The following DYRK1A variants were observed in gnomAD, a reference collection of about 807,000 sequenced individuals.
The protein encoded by DYRK1A is dual specificity tyrosine phosphorylation regulated kinase 1A, also known as dual specificity tyrosine-phosphorylation-regulated kinase 1A.
A neutral mutation model predicts 79.7 loss-of-function variants in DYRK1A; 9 were observed. The ratio of observed to expected loss-of-function variants is 0.11; its 90% confidence interval spans 0.07 to 0.20. DYRK1A has a LOEUF of 0.20. Ranked by LOEUF, DYRK1A falls within the 10% of genes least tolerant of loss-of-function variation. The pLI is 1.00. For synonymous variants in DYRK1A, 349 were observed against 329.7 expected, an observed-to-expected ratio of 1.06 and a Z score of -0.63; for missense variants, 622 against 956.0, an observed-to-expected ratio of 0.65 and a Z score of 4.61.
In DYRK1A at chr21:37,520,848, T is replaced by C. The variant is rs2053929935; in HGVS notation, c.*8317T>C. 2 of 152,236 alleles carry C rather than the reference T, an allele frequency of 1.3e-5. No individual in the cohort carries two copies. 9.4% of individuals were successfully genotyped at this position (152,236 alleles called of 1,614,324 possible). On this transcript the variant is annotated 3_prime_UTR_variant, in exon 12 of 12. Coordinates refer to ENST00000647188, the MANE Select transcript of DYRK1A (RefSeq NM_001347721.2). Reference sequence around the variant, plus strand: ...CACCGCTGGGTGAGATCTACAGGGCTCAGTGCGCTTGGAGTCCTGGATTCC... The same window carrying C: ...CACCGCTGGGTGAGATCTACAGGGCCCAGTGCGCTTGGAGTCCTGGATTCC...
At chr21:37,367,696 G>C (rs1160991847) in intron 1 of DYRK1A, 68 bp downstream of exon 1, 1 of 146,754 alleles carries the variant, frequency 6.8e-6, no homozygotes, top group Non-Finnish European at 1.5e-5. Flanking sequence ...CCCGCAGCCG[G>C]GCCGGAGCCG....
chr21:37,494,171 C>T (rs1211124523), intron 8 of DYRK1A, among the ~76,000 whole-genome samples: 7 of 151,828 alleles, frequency 4.6e-5, no homozygotes, highest in African/African-American at 9.6e-5. Context: ...AGATTACAGG[C>T]GTGAGCCACT....
chr21:37,473,051 T>G (rs1329949392), intron 3 of DYRK1A, among the ~76,000 whole-genome samples, 171 bp downstream of exon 3: 1 of 152,154 alleles, frequency 6.6e-6, no homozygotes, highest in Admixed American at 6.5e-5. Context: ...TTTTTTTTAA[T>G]TTTTACTTGT....
At chr21:37,489,775 G>A (rs2148610904) in intron 6 of DYRK1A, among the ~76,000 whole-genome samples, 1 of 152,258 alleles carries the variant, frequency 6.6e-6, no homozygotes, top group South Asian at 2.1e-4. Flanking sequence ...CCCAGTAGGT[G>A]GAGCTTAGAC....
chr21:37,440,535 C>A (rs1352494937), intron 2 of DYRK1A, among the ~76,000 whole-genome samples: 1 of 152,064 alleles, frequency 6.6e-6, no homozygotes, highest in East Asian at 1.9e-4. Flanking sequence ...CTATAATATT[C>A]TCCGTAACTA....
At chr21:37,505,913 C>CGA (rs1179907286) in intron 10 of DYRK1A, among the ~76,000 whole-genome samples, 186 bp from the exon 11 acceptor site, 1 of 152,114 alleles carries the variant, frequency 6.6e-6, no homozygotes, top group Non-Finnish European at 1.5e-5. Flanking sequence ...AAGTGGTGGA[C>CGA]GAGAGAGAAC....
chr21:37,394,877 A>G (rs983875702), intron 1 of DYRK1A, among the ~76,000 whole-genome samples: 1 of 152,224 alleles, frequency 6.6e-6, no homozygotes, highest in Non-Finnish European at 1.5e-5. Context: ...GAAATCCTGA[A>G]TATGTACTTC....
intron 2 of DYRK1A, among the ~76,000 whole-genome samples, chr21:37,434,686 T>C (rs140767350): frequency 4.6e-5 from 7 of 152,352 alleles, no homozygotes; most frequent in Non-Finnish European, 8.8e-5. Flanking sequence ...GGTTAATACT[T>C]AATTGGGTTT....
intron 11 of DYRK1A, among the ~76,000 whole-genome samples, chr21:37,508,688 C>T (rs557058373): frequency 2.9e-4 from 44 of 152,286 alleles, no homozygotes; most frequent in African/African-American, 9.9e-4. Context: ...TGGTCCCCAC[C>T]GAGGCCATTC....
chr21:37,431,210 C>T (rs1355311677), intron 2 of DYRK1A, among the ~76,000 whole-genome samples: 9 of 152,202 alleles, frequency 5.9e-5, no homozygotes, highest in African/African-American at 1.2e-4. Flanking sequence ...AAGCACCCTC[C>T]TTCCCAGCTT....
Position 37,517,303 on chromosome 21 carries a change from A to G in DYRK1A, c.*4772A>G, listed in dbSNP as rs1366056311. On this transcript the variant is annotated 3_prime_UTR_variant, in exon 12 of 12. Coordinates refer to ENST00000647188, the MANE Select transcript of DYRK1A (RefSeq NM_001347721.2). ...ACAAGTGGAGCCCAGCTCTGTTCGC[A>G]TGGGAGGCCGGGCGATGCTGGCATG... The G allele has an allele frequency of 1.3e-5, 2 of 152,308 alleles. No homozygotes were observed. The allele number at this position is 152,308 out of a possible 1,614,324, so 9.4% of individuals were successfully genotyped here. A position where few individuals can be genotyped will look rare whatever the true frequency, so the allele number is the denominator to read the frequency against.
At chr21:37,491,376 G>A (rs1370927535) in intron 7 of DYRK1A, among the ~76,000 whole-genome samples, 1 of 152,030 alleles carries the variant, frequency 6.6e-6, no homozygotes, top group Non-Finnish European at 1.5e-5. Flanking sequence ...TTTGCTTTAA[G>A]TATTGAAACT....
intron 3 of DYRK1A, among the ~76,000 whole-genome samples, chr21:37,477,098 C>CT (rs1278543551): frequency 2.6e-5 from 4 of 152,138 alleles, no homozygotes; most frequent in Non-Finnish European, 4.4e-5. Context: ...CCCCTCTTCT[C>CT]TTTTTTGGTG....
chr21:37,373,152 G>T (rs991729345), intron 1 of DYRK1A, among the ~76,000 whole-genome samples: 2 of 150,994 alleles, frequency 1.3e-5, no homozygotes, highest in Admixed American at 1.3e-4. Context: ...GTCATCTTGG[G>T]CAAAACAGCT....
rs1601347701 is a variant in DYRK1A, at chr21:37,518,383, G to A, written c.*5852G>A. 1 of 152,116 alleles carries A rather than the reference G, an allele frequency of 6.6e-6. No individual in the cohort carries two copies. Among genetic ancestry groups the A allele is most frequent in the South Asian group, 2.1e-4 (1 of 4,822 alleles). The allele number at this position is 152,116 out of a possible 1,614,324, so 9.4% of individuals were successfully genotyped here. ...TCTAGTGATCGCAAACTGCTCAATC[G>A]GTACTCATCAATTTAAAATGACTGT... On this transcript the variant is annotated 3_prime_UTR_variant, in exon 12 of 12. Transcript: ENST00000647188.
At chr21:37,411,718 T>C (rs2050248626) in intron 1 of DYRK1A, among the ~76,000 whole-genome samples, 1 of 152,224 alleles carries the variant, frequency 6.6e-6, no homozygotes, top group African/African-American at 2.4e-5. Context: ...TTTAATTTCA[T>C]CACAAAATAC....
rs1374582440 is a variant in DYRK1A at position 37,519,655 on chromosome 21, G to GTTAACA, written c.*7127_*7132dup. The GTTAACA allele has an allele frequency of 6.6e-6, 1 of 150,930 alleles. No homozygotes were observed. The highest frequency in any genetic ancestry group is 1.5e-5 in the Non-Finnish European group (1 of 67,878). The allele number at this position is 150,930 out of a possible 1,614,324, so 9.3% of individuals were successfully genotyped here. Reference sequence around the variant, plus strand: ...TTATTTTTGGAGTCTGGGACTAGGTGTTAACATTCCTTTACTAGTTGGTTT... The same window carrying GTTAACA: ...TTATTTTTGGAGTCTGGGACTAGGTGTTAACATTAACATTCCTTTACTAGTTGGTTT... On this transcript the variant is annotated 3_prime_UTR_variant, in exon 12 of 12. Transcript: ENST00000647188.
intron 2 of DYRK1A, among the ~76,000 whole-genome samples, chr21:37,451,478 C>T (rs892427830): frequency 2.0e-5 from 3 of 151,648 alleles, no homozygotes; most frequent in Admixed American, 6.6e-5. Context: ...CTTTTCCATG[C>T]CTATAGCACA....
intron 3 of DYRK1A, among the ~76,000 whole-genome samples, chr21:37,474,213 TC>T (rs1207875605): frequency 1.3e-5 from 2 of 152,190 alleles, no homozygotes; most frequent in Non-Finnish European, 2.9e-5. Context: ...TAGGAAAACT[TC>T]CAGTCCTTTA....
Sources: allele counts gnomAD v4.1 joint callset (sites outside exome capture counted in the v4.1 genomes callset), GRCh38; gene constraint gnomAD v4.1.1; transcripts MANE v1.5; gene names NCBI Gene and HGNC (gene_info 2026-07-23, HGNC 2026-07-21).